Variants in PEBP4 observed in about 807,000 individuals in gnomAD.
PEBP4 encodes phosphatidylethanolamine-binding protein 4.
PEBP4 carries 22 observed loss-of-function variants against 23.9 expected under a neutral mutation model. That is an observed-to-expected ratio of 0.92 (90% CI 0.66 to 1.31). The LOEUF (loss-of-function observed/expected upper bound fraction) is 1.31. PEBP4 is among the 40% of genes most tolerant of loss of function. The pLI is 0.00. For synonymous variants in PEBP4, 112 were observed against 99.3 expected, an observed-to-expected ratio of 1.13 and a Z score of -0.76; for missense variants, 324 against 281.7, an observed-to-expected ratio of 1.15 and a Z score of -1.07.
intron 3 of PEBP4, chr8:22,887,769 T>TGGGGGGGG: frequency 6.6e-6 from 1 of 152,272 alleles, no homozygotes; most frequent in South Asian, 2.1e-4. Flanking sequence ...AGAACGTATT[T>TGGGGGGGG]ACCGAATGAA....
intron 4 of PEBP4, among the ~76,000 whole-genome samples, chr8:22,787,748 G>A (rs1056368596): frequency 6.6e-6 from 1 of 152,192 alleles, no homozygotes; most frequent in African/African-American, 2.4e-5. Context: ...ATGAGTAATT[G>A]TGCGACGGTG....
At chr8:22,722,974 G>C (rs866932816) in intron 6 of PEBP4, among the ~76,000 whole-genome samples, 4 of 151,208 alleles carry the variant, frequency 2.6e-5, no homozygotes, top group Admixed American at 6.6e-5. Context: ...GTAGAGACAG[G>C]GTTTCACCAT....
At chr8:22,883,171 G>A (rs184846353) in intron 3 of PEBP4, among the ~76,000 whole-genome samples, 2 of 152,094 alleles carry the variant, frequency 1.3e-5, no homozygotes, top group East Asian at 3.9e-4. Context: ...CAGGGATTAT[G>A]ATGCTTGCTT....
At chr8:22,840,682 G>T (rs576220524) in intron 3 of PEBP4, among the ~76,000 whole-genome samples, 1 of 152,200 alleles carries the variant, frequency 6.6e-6, no homozygotes, top group Non-Finnish European at 1.5e-5. Context: ...GGGAAAATGT[G>T]AATCAGTTGC....
intron 4 of PEBP4, among the ~76,000 whole-genome samples, chr8:22,778,206 T>C (rs1805852296): frequency 6.6e-6 from 1 of 151,682 alleles, no homozygotes; most frequent in Admixed American, 6.6e-5. Flanking sequence ...ATCTCGCCCC[T>C]CTCTGCTTGG....
intron 3 of PEBP4, among the ~76,000 whole-genome samples, chr8:22,912,373 G>A (rs1808956859): frequency 6.6e-6 from 1 of 152,318 alleles, no homozygotes; most frequent in African/African-American, 2.4e-5. Flanking sequence ...GCAGAGAGTG[G>A]AGCTCCATCC....
chr8:22,815,931 T>C lies in PEBP4; in HGVS notation c.357+1706A>G, dbSNP rs369127071. Among the ~76,000 whole-genome samples the C allele has an allele frequency of 5.9e-5, 9 of 152,300 alleles. No homozygotes were observed. The South Asian group carries it at 1.7e-3, about 28-fold the overall frequency. ...AATTCTGAAGTCATCCCACCCTAAC[T>C]GCTTTTGCACTCCGGCCTCAGGACC... On this transcript the variant is annotated intron_variant, in intron 4 of 6. Coordinates refer to ENST00000256404, the MANE Select transcript of PEBP4 (RefSeq NM_144962.3).
intron 4 of PEBP4, among the ~76,000 whole-genome samples, chr8:22,794,792 A>G (rs1806209390): frequency 6.6e-6 from 1 of 152,044 alleles, no homozygotes; most frequent in Non-Finnish European, 1.5e-5. Flanking sequence ...GTGAAGAGGT[A>G]TTTTCCTATA....
chr8:22,810,691 TGTGTGTGTGTGTGTGTGTGTGTGA>T lies in PEBP4; in HGVS notation c.357+6922_357+6945del, dbSNP rs1478168147. On this transcript the variant is annotated intron_variant, in intron 4 of 6. Coordinates refer to ENST00000256404, the MANE Select transcript of PEBP4 (RefSeq NM_144962.3). ...AGGGGTGTGTGTGTGTGTGTGTGTG[TGTGTGTGTGTGTGTGTGTGTGTGA>T]GAGAGAGAGAGAGAAAGAGAAAGAA... Among the ~76,000 whole-genome samples, 1,232 of 150,754 alleles carry T rather than the reference TGTGTGTGTGTGTGTGTGTGTGTGA, an allele frequency of 8.2e-3. 18 individuals are homozygous for T. Among genetic ancestry groups the T allele is most frequent in the African/African-American group, 0.028 (1,162 of 40,802 alleles).
intron 4 of PEBP4, among the ~76,000 whole-genome samples, chr8:22,730,262 T>G (rs1804703529): frequency 6.6e-6 from 1 of 152,220 alleles, no homozygotes. Flanking sequence ...GATGGCCAAG[T>G]GCAACAGCTC....
chr8:22,761,488 G>A (rs912363983), intron 4 of PEBP4, among the ~76,000 whole-genome samples: 10 of 152,144 alleles, frequency 6.6e-5, no homozygotes, highest in Non-Finnish European at 1.0e-4. Context: ...CTGGCCTGTC[G>A]GAGCCCCTTC....
chr8:22,807,310 C>T (rs560663223), intron 4 of PEBP4, among the ~76,000 whole-genome samples: 1 of 152,070 alleles, frequency 6.6e-6, no homozygotes, highest in African/African-American at 2.4e-5. Context: ...CAGGAGAACA[C>T]GAGGGTTGTG....
intron 1 of PEBP4, among the ~76,000 whole-genome samples, chr8:22,940,336 G>T (rs1809592915): frequency 6.6e-6 from 1 of 152,154 alleles, no homozygotes; most frequent in Non-Finnish European, 1.5e-5. Flanking sequence ...ATTCACCAAA[G>T]TGGCCTTTCT....
intron 4 of PEBP4, among the ~76,000 whole-genome samples, chr8:22,739,940 C>T (rs1314871901): frequency 6.6e-6 from 1 of 152,146 alleles, no homozygotes; most frequent in African/African-American, 2.4e-5. Context: ...CCAAGAGCCT[C>T]GACTGTGGCT....
At chr8:22,908,932 G>A (rs996459844) in intron 3 of PEBP4, among the ~76,000 whole-genome samples, 9 of 152,324 alleles carry the variant, frequency 5.9e-5, no homozygotes, top group African/African-American at 1.9e-4. Flanking sequence ...TTAAAGCGTT[G>A]CATCCTGGAG....
intron 3 of PEBP4, among the ~76,000 whole-genome samples, chr8:22,915,443 T>A (rs1809052923): frequency 7.3e-6 from 1 of 137,402 alleles, no homozygotes; most frequent in Non-Finnish European, 1.6e-5. Flanking sequence ...CTGGCTCCCA[T>A]CTGTCCCTTG....
chr8:22,883,512 TAAAA>T (rs779806610), intron 3 of PEBP4, among the ~76,000 whole-genome samples: 3 of 144,040 alleles, frequency 2.1e-5, no homozygotes, highest in Non-Finnish European at 4.6e-5. Context: ...TCTGCACACT[TAAAA>T]AAAAAAAAAG....
intron 3 of PEBP4, among the ~76,000 whole-genome samples, chr8:22,858,734 G>C (rs1807707147): frequency 6.6e-6 from 1 of 152,128 alleles, no homozygotes; most frequent in Admixed American, 6.5e-5. Flanking sequence ...ATCACTTGAG[G>C]CCAGGAGTTC....
intron 3 of PEBP4, among the ~76,000 whole-genome samples, chr8:22,862,709 ATAAG>A (rs1450873438): frequency 6.6e-6 from 1 of 152,196 alleles, no homozygotes; most frequent in African/African-American, 2.4e-5. Context: ...AAAAGGCTGA[ATAAG>A]TAAGTCACAA....
Sources: allele counts gnomAD v4.1 joint callset (sites outside exome capture counted in the v4.1 genomes callset), GRCh38; gene constraint gnomAD v4.1.1; transcripts MANE v1.5; gene names NCBI Gene and HGNC (gene_info 2026-07-23, HGNC 2026-07-21).